The following SH3PXD2A variants were observed in gnomAD, a reference collection of about 807,000 sequenced individuals.
SH3PXD2A encodes SH3 and PX domains 2A.
Under a neutral mutation model 115.2 loss-of-function variants are expected in SH3PXD2A, and 32 were observed. The observed-to-expected ratio is 0.28, with a 90% CI of 0.21 to 0.37. The LOEUF is 0.37. Ranked by LOEUF, SH3PXD2A falls within the 10% of genes least tolerant of loss-of-function variation. SH3PXD2A has a pLI of 1.00. For synonymous variants in SH3PXD2A, 610 were observed against 629.1 expected (o/e 0.97, Z 0.45); for missense variants, 1,328 against 1,498.7 (o/e 0.89, Z 1.88).
intron 5 of SH3PXD2A, among the ~76,000 whole-genome samples, chr10:103,697,183 C>A (rs1439290868): frequency 1.3e-5 from 2 of 152,144 alleles, no homozygotes; most frequent in Non-Finnish European, 2.9e-5. Flanking sequence ...GCCTCTTGAG[C>A]CTCTACTTCT....
At chr10:103,848,222 TCCTCC>T (rs1842866408) in intron 1 of SH3PXD2A, among the ~76,000 whole-genome samples, 1 of 151,880 alleles carries the variant, frequency 6.6e-6, no homozygotes, top group African/African-American at 2.4e-5. Flanking sequence ...CTCCTCCTCC[TCCTCC>T]TCAACCCTTC....
chr10:103,699,709 C>G (rs1482632271), intron 5 of SH3PXD2A, among the ~76,000 whole-genome samples: 3 of 152,330 alleles, frequency 2.0e-5, no homozygotes, highest in East Asian at 3.9e-4. Context: ...CCAGGCAAGA[C>G]AGACAGAGGG....
chr10:103,802,128 C>A (rs2039153757), intron 1 of SH3PXD2A, among the ~76,000 whole-genome samples: 1 of 152,152 alleles, frequency 6.6e-6, no homozygotes, highest in African/African-American at 2.4e-5. Context: ...TTTGAGGGCT[C>A]GGATGTTTAC....
chr10:103,699,609 G>A (rs1592307585), intron 5 of SH3PXD2A, among the ~76,000 whole-genome samples: 1 of 152,194 alleles, frequency 6.6e-6, no homozygotes, highest in African/African-American at 2.4e-5. Flanking sequence ...GGAGAGTTGG[G>A]GTTTTTTTTC....
chr10:103,835,406 G>A (rs1402158576), intron 1 of SH3PXD2A, among the ~76,000 whole-genome samples: 1 of 152,188 alleles, frequency 6.6e-6, no homozygotes, highest in Non-Finnish European at 1.5e-5. Context: ...AGACTGGGAA[G>A]GTCTGTTTCT....
intron 5 of SH3PXD2A, among the ~76,000 whole-genome samples, chr10:103,717,639 A>C (rs547900141): frequency 6.6e-6 from 1 of 152,218 alleles, no homozygotes; most frequent in Non-Finnish European, 1.5e-5. Context: ...GAATCTACAG[A>C]CAGAGTTCCT....
chr10:103,712,968 G>A (rs1208863256), intron 5 of SH3PXD2A, among the ~76,000 whole-genome samples: 3 of 152,198 alleles, frequency 2.0e-5, no homozygotes, highest in Non-Finnish European at 4.4e-5. Flanking sequence ...CTGCAGAAAG[G>A]AGCATGGGCC....
chr10:103,606,966 A>T (rs1346430051), intron 13 of SH3PXD2A, among the ~76,000 whole-genome samples: 7 of 138,786 alleles, frequency 5.0e-5, no homozygotes, highest in Non-Finnish European at 1.1e-4. Flanking sequence ...ATCGTCTGGG[A>T]TGTGAGGAGC....
intron 5 of SH3PXD2A, among the ~76,000 whole-genome samples, chr10:103,714,481 G>A (rs2038082574): frequency 6.6e-6 from 1 of 152,202 alleles, no homozygotes; most frequent in African/African-American, 2.4e-5. Context: ...CTGGACTGGG[G>A]GTGTTTGAAT....
chr10:103,645,123 A>G (rs2134008682), intron 8 of SH3PXD2A, among the ~76,000 whole-genome samples: 1 of 152,054 alleles, frequency 6.6e-6, no homozygotes, highest in South Asian at 2.1e-4. Context: ...CATCACCTTG[A>G]CCTTAGGTTT....
chr10:103,626,825 T>A (rs771517367), intron 9 of SH3PXD2A, among the ~76,000 whole-genome samples: 1 of 151,838 alleles, frequency 6.6e-6, no homozygotes, highest in Non-Finnish European at 1.5e-5. Context: ...ACAAACCTCA[T>A]GAAGCCAAAG....
chr10:103,813,339 C>G (rs1433485363), intron 1 of SH3PXD2A, among the ~76,000 whole-genome samples: 2 of 152,142 alleles, frequency 1.3e-5, no homozygotes, highest in African/African-American at 4.8e-5. Context: ...TTTTTAGAGA[C>G]AGAGTCTCGC....
chr10:103,729,196 G>A (rs2038284338), intron 4 of SH3PXD2A, among the ~76,000 whole-genome samples: 2 of 152,112 alleles, frequency 1.3e-5, no homozygotes, highest in African/African-American at 2.4e-5. Flanking sequence ...CATGGCGTCC[G>A]GCTGTAAGTA....
chr10:103,747,299 G>A (rs1335574164), intron 3 of SH3PXD2A, among the ~76,000 whole-genome samples: 3 of 152,146 alleles, frequency 2.0e-5, no homozygotes, highest in Middle Eastern at 3.2e-3. Context: ...CTCAGAGGCC[G>A]GCATCAGGGC....
intron 4 of SH3PXD2A, among the ~76,000 whole-genome samples, chr10:103,731,286 C>G (rs368118489): frequency 1.9e-4 from 29 of 151,968 alleles, no homozygotes; most frequent in African/African-American, 6.8e-4. Context: ...TCAGCCTCAC[C>G]AATAGATGGG....
chr10:103,684,655 A>G (rs2037653094), intron 6 of SH3PXD2A, among the ~76,000 whole-genome samples: 1 of 152,058 alleles, frequency 6.6e-6, no homozygotes, highest in Non-Finnish European at 1.5e-5. Context: ...CCGGCCATAG[A>G]CTAACCCTTA....
Position 103,625,933 on chromosome 10 carries a change from G to A in SH3PXD2A, c.718+1156C>T, listed in dbSNP as rs531704810. Reference sequence around the variant, plus strand: ...AATGTGGAACTAGGTAGGAGGTGAGGCTGGGGACTGCAGGCATATGAGACC... The same window carrying A: ...AATGTGGAACTAGGTAGGAGGTGAGACTGGGGACTGCAGGCATATGAGACC... On this transcript the variant is annotated intron_variant, in intron 9 of 14. Transcript: ENST00000369774. Among the ~76,000 whole-genome samples the A allele has an allele frequency of 4.6e-5, 7 of 152,362 alleles. No homozygotes were observed. In the East Asian group the frequency reaches 1.4e-3, roughly 29 times the overall value.
chr10:103,698,970 T>G (rs2037859211), intron 5 of SH3PXD2A, among the ~76,000 whole-genome samples: 2 of 151,874 alleles, frequency 1.3e-5, no homozygotes, highest in South Asian at 2.1e-4. Flanking sequence ...GTGAGGGTAG[T>G]GGGTGGACGG....
chr10:103,701,788 T>A (rs1242709774), intron 5 of SH3PXD2A, among the ~76,000 whole-genome samples: 1 of 90,778 alleles, frequency 1.1e-5, no homozygotes, highest in Non-Finnish European at 2.1e-5. Flanking sequence ...CCATCCATCA[T>A]CCATCCATCT....
Sources: allele counts gnomAD v4.1 joint callset (sites outside exome capture counted in the v4.1 genomes callset), GRCh38; gene constraint gnomAD v4.1.1; transcripts MANE v1.5; gene names NCBI Gene and HGNC (gene_info 2026-07-23, HGNC 2026-07-21).